Variants in RCC1L observed in about 807,000 individuals in gnomAD.
RCC1L encodes the protein RCC1 like.
Under a neutral mutation model 58.6 loss-of-function variants are expected in RCC1L, and 46 were observed. The ratio of observed to expected loss-of-function variants is 0.79; its 90% CI spans 0.62 to 1.00. The LOEUF is 1.00. Ranked by LOEUF, RCC1L falls within the 50% of genes least tolerant of loss-of-function variation. RCC1L has a pLI of 0.00. For missense variants in RCC1L, 636 were observed against 623.6 expected (o/e 1.02, Z -0.21); for synonymous variants, 281 against 262.9 (o/e 1.07, Z -0.67).
chr7:75,043,436 T>C (rs1329825710), intron 10 of RCC1L, among the ~76,000 whole-genome samples: 1 of 152,208 alleles, frequency 6.6e-6, no homozygotes, highest in East Asian at 1.9e-4. Flanking sequence ...GGCAGGAACA[T>C]GGGCCTGTGT....
At chr7:75,068,870 TTATC>T (rs1780206332) in intron 2 of RCC1L, among the ~76,000 whole-genome samples, 2 of 152,134 alleles carry the variant, frequency 1.3e-5, no homozygotes, top group Admixed American at 6.6e-5. Flanking sequence ...ATTTATTTAT[TTATC>T]TTTTATTTAT....
chr7:75,028,203 C>T, intron 10 of RCC1L: 1 of 893,044 alleles, frequency 1.1e-6, no homozygotes, highest in Non-Finnish European at 1.6e-6. Context: ...CTGCAGCAAC[C>T]TCCACTTCCT....
intron 1 of RCC1L, among the ~76,000 whole-genome samples, 173 bp from the exon 2 acceptor site, chr7:75,070,942 C>T (rs1012569710): frequency 1.3e-5 from 2 of 152,090 alleles, no homozygotes; most frequent in Non-Finnish European, 2.9e-5. Flanking sequence ...GGCGCAATCT[C>T]GGCTCACTGC....
intron 10 of RCC1L, among the ~76,000 whole-genome samples, chr7:75,033,950 G>C (rs1480309745): frequency 1.3e-5 from 2 of 152,140 alleles, no homozygotes; most frequent in African/African-American, 4.8e-5. Context: ...TGCCGACCCT[G>C]GTTTTGTCAT....
chr7:75,059,416 A>G (rs1356858584), intron 6 of RCC1L, among the ~76,000 whole-genome samples: 2 of 151,340 alleles, frequency 1.3e-5, no homozygotes, highest in African/African-American at 4.9e-5. Context: ...GATTACAGGC[A>G]CGCACCACCA....
At chr7:75,061,987 A>G (rs1222318417) in intron 5 of RCC1L, among the ~76,000 whole-genome samples, 3 of 152,138 alleles carry the variant, frequency 2.0e-5, no homozygotes, top group African/African-American at 7.2e-5. Flanking sequence ...CAGGAGTTCA[A>G]GACCAGCCTG....
intron 3 of RCC1L, among the ~76,000 whole-genome samples, chr7:75,064,974 C>T (rs1299147626): frequency 6.6e-6 from 1 of 152,108 alleles, no homozygotes; most frequent in African/African-American, 2.4e-5. Flanking sequence ...TGCAGCGCCT[C>T]TGCCCTGTCT....
At chr7:75,048,435 G>A (rs1022073678) in intron 10 of RCC1L, among the ~76,000 whole-genome samples, 3 of 152,298 alleles carry the variant, frequency 2.0e-5, no homozygotes, top group South Asian at 2.1e-4. Context: ...AGGCAGAGTC[G>A]CAAGTTCAAA....
At chr7:75,065,386 C>T (rs1554444954) in intron 3 of RCC1L, among the ~76,000 whole-genome samples, 1 of 151,910 alleles carries the variant, frequency 6.6e-6, no homozygotes, top group Admixed American at 6.6e-5. Context: ...GAAACCCTGT[C>T]TCTACTAAAA....
chr7:75,042,304 C>T lies in RCC1L; in HGVS notation c.*728G>A. 1.0e-6 allele frequency: 1 copy of T among 985,520 alleles called. No individual in the cohort carries two copies. 61.0% of individuals were successfully genotyped at this position (985,520 alleles called of 1,614,324 possible). ...TTGTTCACAATTTCTGGATCTTCCTCCTCCGCCTGGCACTGCAGCTGAGCC... is the reference window on the plus strand; with the variant it reads ...TTGTTCACAATTTCTGGATCTTCCTTCTCCGCCTGGCACTGCAGCTGAGCC... On this transcript the variant is annotated 3_prime_UTR_variant, in exon 11 of 11. Transcript: ENST00000610322.
chr7:75,031,190 T>C (rs1805290829), intron 10 of RCC1L, among the ~76,000 whole-genome samples: 1 of 152,132 alleles, frequency 6.6e-6, no homozygotes, highest in Non-Finnish European at 1.5e-5. Context: ...AGTGGATGGA[T>C]GGTGTACTGA....
intron 9 of RCC1L, chr7:75,055,692 C>T: frequency 1.6e-6 from 1 of 632,122 alleles, no homozygotes; most frequent in Non-Finnish European, 2.8e-6. Context: ...ACCAAACGAA[C>T]CAAAATTAAA....
intron 9 of RCC1L, 94 bp from the exon 10 acceptor site, chr7:75,052,890 A>G (rs587754923): frequency 0.97 from 1,156,886 of 1,193,446 alleles, 560,874 homozygotes; most frequent in African/African-American, 1. Flanking sequence ...TTCTAGAACC[A>G]GATACCTACA....
chr7:75,058,829 G>A, intron 6 of RCC1L, 60 bp from the exon 7 acceptor site: 1 of 1,598,176 alleles, frequency 6.3e-7, no homozygotes. Flanking sequence ...CACATAGGCA[G>A]ACTTACTATA....
chr7:75,042,270 A>C lies in RCC1L; in HGVS notation c.*762T>G. On this transcript the variant is annotated 3_prime_UTR_variant, in exon 11 of 11. Transcript: ENST00000610322. ...AAGGGAAAGGCAAGTCACGCTACTAAATCAAACATTGTTCACAATTTCTGG... is the reference window on the plus strand; with the variant it reads ...AAGGGAAAGGCAAGTCACGCTACTACATCAAACATTGTTCACAATTTCTGG... 1 of 985,470 alleles carries C rather than the reference A, an allele frequency of 1.0e-6. No individual in the cohort carries two copies. Among genetic ancestry groups the C allele is most frequent in the Non-Finnish European group, 1.2e-6 (1 of 829,948 alleles). 61.0% of individuals were successfully genotyped at this position (985,470 alleles called of 1,614,324 possible).
At chr7:75,068,353 T>C (rs1377104134) in intron 2 of RCC1L, among the ~76,000 whole-genome samples, 1 of 147,608 alleles carries the variant, frequency 6.8e-6, no homozygotes, top group African/African-American at 2.5e-5. Context: ...TGTAACATCT[T>C]ACAGCTAATA....
chr7:75,067,933 C>T (rs1554445445), intron 2 of RCC1L, among the ~76,000 whole-genome samples: 1 of 152,092 alleles, frequency 6.6e-6, no homozygotes, highest in African/African-American at 2.4e-5. Context: ...ACGAGACTGG[C>T]ATGAGTTGAT....
chr7:75,058,902 T>G (rs1584498123), intron 6 of RCC1L, 133 bp from the exon 7 acceptor site: 1 of 1,103,174 alleles, frequency 9.1e-7, no homozygotes, highest in African/African-American at 1.6e-5. Context: ...TGGGGCTGGG[T>G]GCAGTGGCTC....
intron 10 of RCC1L, among the ~76,000 whole-genome samples, chr7:75,030,520 G>A (rs1805272721): frequency 6.6e-6 from 1 of 152,122 alleles, no homozygotes; most frequent in Non-Finnish European, 1.5e-5. Flanking sequence ...TCTGGCTCAG[G>A]GTCATTCATG....
Sources: allele counts gnomAD v4.1 joint callset (sites outside exome capture counted in the v4.1 genomes callset), GRCh38; gene constraint gnomAD v4.1.1; transcripts MANE v1.5; gene names NCBI Gene and HGNC (gene_info 2026-07-23, HGNC 2026-07-21).